The following FGL1 variants were observed in gnomAD, a reference collection of about 807,000 sequenced individuals.
FGL1 encodes fibrinogen-like protein 1.
Under a neutral mutation model 43.7 loss-of-function variants are expected in FGL1, and 59 were observed. The ratio of observed to expected loss-of-function variants is 1.35; its 90% CI spans 1.10 to 1.68. The LOEUF is 1.68. Ranked by LOEUF, FGL1 falls within the 40% of genes most tolerant of loss-of-function variation. The probability of loss-of-function intolerance (pLI) is 0.00; values close to 1 mark genes in which losing one functional copy is unlikely to be tolerated. For missense variants in FGL1, 596 were observed against 373.0 expected, an observed-to-expected ratio of 1.60 and a Z score of -4.92; for synonymous variants, 192 against 126.5, an observed-to-expected ratio of 1.52 and a Z score of -3.48.
chr8:17,874,146 AG>A, intron 4 of FGL1, 30 bp from the exon 5 acceptor site: 1 of 1,569,994 alleles, frequency 6.4e-7, no homozygotes, highest in Non-Finnish European at 8.7e-7. Context: ...AGCCGATTAG[AG>A]CAAACTCCAT....
At chr8:17,893,001 C>A (rs894159943) in intron 1 of FGL1, among the ~76,000 whole-genome samples, 1 of 152,088 alleles carries the variant, frequency 6.6e-6, no homozygotes, top group Non-Finnish European at 1.5e-5. Flanking sequence ...GAGTTTGAGA[C>A]CAGCATGGCC....
In FGL1 at chr8:17,874,518, C is replaced by T; in HGVS notation, c.248G>A (p.Cys83Tyr). 2 of 1,602,798 alleles carry T rather than the reference C, an allele frequency of 1.2e-6. No homozygotes were observed. The highest frequency in any genetic ancestry group is 8.5e-7 in the Non-Finnish European group (1 of 1,174,358). ...DLGSKRQYAD[C>Y]SEIFNDGYKL... ...ATACCCATCATTGAAAATCTCTGAACAATCTGTTTTTAAAACAAGGTAATG... is the reference window on the plus strand; with the variant it reads ...ATACCCATCATTGAAAATCTCTGAATAATCTGTTTTTAAAACAAGGTAATG... The change falls in exon 4 of 8, where the codon TGT (cysteine) becomes TAT (tyrosine). Residue 83 changes from cysteine to tyrosine, a missense_variant. By Grantham distance (194) the Cys-to-Tyr change is radical. Coordinates refer to ENST00000427924, the MANE Select transcript of FGL1 (RefSeq NM_004467.4).
chr8:17,882,383 G>C, intron 2 of FGL1: 1 of 457,560 alleles, frequency 2.2e-6, no homozygotes, highest in Non-Finnish European at 3.9e-6. Context: ...GAAAACTCCT[G>C]GACTCAAAAG....
chr8:17,865,736 T>C (rs902761211), intron 7 of FGL1, among the ~76,000 whole-genome samples: 5 of 152,218 alleles, frequency 3.3e-5, no homozygotes, highest in Non-Finnish European at 5.9e-5. Flanking sequence ...TCTTTATTGA[T>C]AAAATTAATG....
chr8:17,885,045 C>CTT (rs11463824), intron 2 of FGL1, among the ~76,000 whole-genome samples: 24 of 144,386 alleles, frequency 1.7e-4, no homozygotes, highest in African/African-American at 4.8e-4. Context: ...ATGTAAAGCA[C>CTT]TTTTTTTTTT....
Position 17,882,171 on chromosome 8 carries a change from C to T in FGL1, c.72G>A (p.Glu24=), listed in dbSNP as rs778032445. 5 of 1,612,850 alleles carry T rather than the reference C, an allele frequency of 3.1e-6. 1 individual carries two copies. In the South Asian group the frequency reaches 3.3e-5, roughly 11 times the overall value. Residue 24 remains glutamate (E), a synonymous_variant, in exon 3 of 8, where the codon GAG becomes GAA. Coordinates refer to ENST00000427924, the MANE Select transcript of FGL1 (RefSeq NM_004467.4). The part of the protein sequence containing the change: ...LTMGREISAL[E]DCAQEQMRLR... Reference sequence around the variant, plus strand: ...GCCGCATCTGCTCCTGGGCACAGTCCTCGAGCGCCTGCAAAACAGGTGAGA... The same window carrying T: ...GCCGCATCTGCTCCTGGGCACAGTCTTCGAGCGCCTGCAAAACAGGTGAGA...
At position 17,882,032 on chromosome 8, in the gene FGL1, C is replaced by T; in HGVS notation, c.211G>A (p.Val71Ile). Residue 71 changes from valine to isoleucine, a missense_variant, in exon 3 of 8, where the codon GTC becomes ATC. Physicochemically the swap from Val to Ile is conservative, Grantham distance 29. Transcript: ENST00000427924. ...TGCCTCTTGCTTCCAAGATCAATGA[C>T]AGTATTCTCATCTCCTTTATCAAGG... Reference protein sequence around the residue: ...QFLDKGDENTVIDLGSKRQYA... With the variant: ...QFLDKGDENTIIDLGSKRQYA... 2.5e-6 allele frequency: 4 copies of T among 1,613,918 alleles called. No homozygotes were observed. Among genetic ancestry groups the T allele is most frequent in the Non-Finnish European group, 3.4e-6 (4 of 1,179,942 alleles).
intron 1 of FGL1, among the ~76,000 whole-genome samples, chr8:17,893,128 G>C (rs964043795): frequency 7.9e-5 from 12 of 152,120 alleles, no homozygotes; most frequent in African/African-American, 2.2e-4. Context: ...TTGAACCTGG[G>C]AGACAGAGGT....
At chr8:17,883,438 G>A (rs2053579879) in intron 2 of FGL1, among the ~76,000 whole-genome samples, 3 of 76,588 alleles carry the variant, frequency 3.9e-5, no homozygotes, top group Admixed American at 1.5e-4. Context: ...GAATATATAT[G>A]AATATAAATG....
chr8:17,885,155 C>T (rs1466087966), intron 2 of FGL1, among the ~76,000 whole-genome samples: 1 of 151,914 alleles, frequency 6.6e-6, no homozygotes, highest in African/African-American at 2.4e-5. Context: ...ATTCTCCTGC[C>T]TCAGCCTCAC....
Position 17,874,021 on chromosome 8 carries a change from T to C in FGL1, c.500A>G (p.Gln167Arg), listed in dbSNP as rs1563450815. Reference sequence around the variant, plus strand: ...ATCTGACATCATTCAAACCTTACCTTGAGTGGTCAAGAAGTGAAGATTTTT... The same window carrying C: ...ATCTGACATCATTCAAACCTTACCTCGAGTGGTCAAGAAGTGAAGATTTTT... ...GNKNLHFLTT[Q>R]EDYTLKIDLA... The change falls in exon 5 of 8, where the codon CAA becomes CGA. Residue 167 changes from glutamine (Q) to arginine (R), a missense_variant and splice_region_variant. By Grantham distance (43) the Gln-to-Arg change is conservative. Coordinates refer to ENST00000427924, the MANE Select transcript of FGL1 (RefSeq NM_004467.4). The C allele has an allele frequency of 3.8e-6, 6 of 1,597,300 alleles. No individual in the cohort carries two copies. The highest frequency in any genetic ancestry group is 4.3e-6 in the Non-Finnish European group (5 of 1,174,436).
chr8:17,889,071 A>G (rs573432897), intron 1 of FGL1, among the ~76,000 whole-genome samples: 76 of 152,302 alleles, frequency 5.0e-4, no homozygotes, highest in African/African-American at 1.8e-3. Context: ...GGCCTGGGGC[A>G]TTATATAAAA....
At position 17,874,485 on chromosome 8, in the gene FGL1, C is replaced by T; in HGVS notation, c.281G>A (p.Ser94Asn). Reference protein sequence around the residue: ...SEIFNDGYKLSGFYKIKPLQS... With the variant: ...SEIFNDGYKLNGFYKIKPLQS... The stretch of plus-strand genomic sequence containing the variant: ...GAGAGGTTTGATTTTGTAAAATCCA[C>T]TGAGCTTATACCCATCATTGAAAAT... The change falls in exon 4 of 8, where the codon AGT (serine) becomes AAT (asparagine). Residue 94 changes from serine (S) to asparagine (N), a missense_variant. Transcript: ENST00000427924. 2 of 1,613,956 alleles carry T rather than the reference C, an allele frequency of 1.2e-6. No individual in the cohort carries two copies. The highest frequency in any genetic ancestry group is 1.7e-6 in the Non-Finnish European group (2 of 1,179,924).
chr8:17,864,461 G>A lies in FGL1; in HGVS notation c.*131C>T. On this transcript the variant is annotated 3_prime_UTR_variant, in exon 8 of 8. Transcript: ENST00000427924. ...ACTGAAAGCACATTAAGTAACAAAG[G>A]CAAGTGAGAAGAATGAAAAGCACTA... 1 of 922,666 alleles carries A rather than the reference G, an allele frequency of 1.1e-6. No homozygotes were observed. The highest frequency in any genetic ancestry group is 2.7e-5 in the East Asian group (1 of 36,442). 57.2% of individuals were successfully genotyped at this position (922,666 alleles called of 1,614,324 possible).
intron 1 of FGL1, among the ~76,000 whole-genome samples, chr8:17,889,957 A>C (rs891864377): frequency 6.6e-6 from 1 of 152,222 alleles, no homozygotes; most frequent in Non-Finnish European, 1.5e-5. Flanking sequence ...TCAGAGAGAG[A>C]ACAAATTGGC....
Position 17,868,730 on chromosome 8 carries a change from G to T in FGL1, c.597C>A (p.Phe199Leu). The change falls in exon 7 of 8, where the codon TTC (phenylalanine) becomes TTA (leucine). Residue 199 changes from phenylalanine (F) to leucine (L), a missense_variant. Physicochemically the swap from Phe to Leu is conservative, Grantham distance 22. Coordinates refer to ENST00000427924, the MANE Select transcript of FGL1 (RefSeq NM_004467.4). The part of the protein sequence containing the change: ...KNFKVGDEKN[F>L]YELNIGEYSG... Reference sequence around the variant, plus strand: ...AATATTCCCCAATATTCAACTCGTAGAAATTCTAAAGAAAAAGGGCATTTC... The same window carrying T: ...AATATTCCCCAATATTCAACTCGTATAAATTCTAAAGAAAAAGGGCATTTC... The T allele has an allele frequency of 6.2e-7, 1 of 1,608,676 alleles. No homozygotes were observed.
Position 17,868,535 on chromosome 8 carries a change from T to G in FGL1, c.779+13A>C, listed in dbSNP as rs201194485. The G allele has an allele frequency of 3.1e-6, 5 of 1,603,370 alleles. No individual in the cohort carries two copies. In the Admixed American group the frequency reaches 8.6e-5, roughly 28 times the overall value. The stretch of plus-strand genomic sequence containing the variant: ...ATCAACTCCATTACAACTATGCTCA[T>G]AAGACATCAAACCTGTTAAACCACC... On this transcript the variant is annotated intron_variant, in intron 7 of 7. Transcript: ENST00000427924.
At chr8:17,873,812 C>G (rs1184224556) in intron 5 of FGL1, among the ~76,000 whole-genome samples, 1 of 150,552 alleles carries the variant, frequency 6.6e-6, no homozygotes, top group Non-Finnish European at 1.5e-5. Context: ...AAAACAATTC[C>G]CCGCAACCCA....
intron 3 of FGL1, among the ~76,000 whole-genome samples, chr8:17,876,424 C>T (rs1294244405): frequency 6.6e-6 from 1 of 152,128 alleles, no homozygotes; most frequent in African/African-American, 2.4e-5. Flanking sequence ...ACCATATACT[C>T]CTGCTTTGGT....
Sources: allele counts gnomAD v4.1 joint callset (sites outside exome capture counted in the v4.1 genomes callset), GRCh38; gene constraint gnomAD v4.1.1; transcripts MANE v1.5; gene names NCBI Gene and HGNC (gene_info 2026-07-23, HGNC 2026-07-21).